Variants in YAF2 observed in about 807,000 individuals in gnomAD.
YAF2 encodes the protein YY1 associated factor 2.
Under a neutral mutation model 20.1 loss-of-function variants are expected in YAF2, and 7 were observed. The ratio of observed to expected loss-of-function variants is 0.35; its 90% CI spans 0.20 to 0.65. The LOEUF (loss-of-function observed/expected upper bound fraction) is 0.65, where lower values mean the gene tolerates loss of function less well. YAF2 is among the 30% of genes least tolerant of loss of function. YAF2 has a pLI of 0.69. For missense variants in YAF2, 151 were observed against 219.2 expected (o/e 0.69, Z 1.96); for synonymous variants, 74 against 76.0 (o/e 0.97, Z 0.14).
chr12:42,164,765 T>A (rs1469121493), intron 2 of YAF2, among the ~76,000 whole-genome samples: 2 of 151,798 alleles, frequency 1.3e-5, no homozygotes, highest in African/African-American at 4.8e-5. Context: ...TAGGAAAGAT[T>A]TTATAAAAAA....
At chr12:42,195,106 A>C (rs893359902) in intron 2 of YAF2, among the ~76,000 whole-genome samples, 8 of 152,222 alleles carry the variant, frequency 5.3e-5, no homozygotes, top group Admixed American at 3.3e-4. Context: ...AAGCAATTAA[A>C]GTACATCCAC....
rs75908309 is a variant in YAF2, at chr12:42,182,244, G to T, written c.153-20479C>A. 4.1e-3 allele frequency among the ~76,000 whole-genome samples: 625 copies of T among 152,190 alleles called. 30 individuals are homozygous for T. The East Asian group carries it at 0.078, about 19-fold the overall frequency. On this transcript the variant is annotated intron_variant, in intron 2 of 3. Transcript: ENST00000534854. ...GATATGTTTGACGAGGAAGCAGAAGGCATGAAATTCTGTTAACATATGATG... is the reference window on the plus strand; with the variant it reads ...GATATGTTTGACGAGGAAGCAGAAGTCATGAAATTCTGTTAACATATGATG...
intron 2 of YAF2, among the ~76,000 whole-genome samples, chr12:42,221,029 T>C (rs1219285522): frequency 1.3e-5 from 2 of 152,326 alleles, no homozygotes; most frequent in Admixed American, 6.5e-5. Context: ...TGTTAACATT[T>C]GTACTTCAAA....
In YAF2 at chr12:42,161,634, T is replaced by A; in HGVS notation, c.284A>T (p.Lys95Met). 1 of 1,596,046 alleles carries A rather than the reference T, an allele frequency of 6.3e-7. No homozygotes were observed. The highest frequency in any genetic ancestry group is 8.5e-7 in the Non-Finnish European group (1 of 1,173,438). Reference sequence around the variant, plus strand: ...TTACCTGGTTTTCTTATGGCTATTCTTTTTGCTAGTTGTTTCCTTTTCACT... The same window carrying A: ...TTACCTGGTTTTCTTATGGCTATTCATTTTGCTAGTTGTTTCCTTTTCACT... ...EKSEKETTSKKNSHKKTRPRL... is the reference protein window; with the variant it reads ...EKSEKETTSKMNSHKKTRPRL... Residue 95 changes from lysine to methionine, a missense_variant, in exon 3 of 4, where the codon AAG (lysine) becomes ATG (methionine). Around this residue, in one of 3 missense-constraint regions of YAF2, gnomAD observed 50 missense variants for 112.0 expected, o/e 0.45. Transcript: ENST00000534854.
chr12:42,171,097 ATCC>A (rs1173978409), intron 2 of YAF2, among the ~76,000 whole-genome samples: 2 of 151,954 alleles, frequency 1.3e-5, no homozygotes, highest in African/African-American at 4.8e-5. Context: ...GGTTCAAGCA[ATCC>A]TCCTGCCTCA....
intron 2 of YAF2, among the ~76,000 whole-genome samples, chr12:42,194,243 C>T (rs975486573): frequency 3.9e-5 from 6 of 152,164 alleles, no homozygotes; most frequent in Non-Finnish European, 8.8e-5. Context: ...TCTACAGTGG[C>T]ATACAGTAAT....
chr12:42,202,979 G>A (rs994034812), intron 2 of YAF2, among the ~76,000 whole-genome samples: 14 of 151,696 alleles, frequency 9.2e-5, no homozygotes, highest in Non-Finnish European at 1.9e-4. Context: ...ATCCAACAGA[G>A]CAAGTTCCTC....
intron 2 of YAF2, among the ~76,000 whole-genome samples, chr12:42,227,127 G>A (rs1482368908): frequency 1.4e-5 from 2 of 145,704 alleles, no homozygotes; most frequent in Non-Finnish European, 3.0e-5. Context: ...AGTCTTTGCC[G>A]CCGCGCCGGC....
chr12:42,227,464 A>C (rs2067758304), intron 2 of YAF2, among the ~76,000 whole-genome samples: 1 of 125,970 alleles, frequency 7.9e-6, no homozygotes, highest in Non-Finnish European at 1.7e-5. Flanking sequence ...CCATCGTCTG[A>C]GATGTGGGGA....
chr12:42,202,400 T>C (rs1175814331), intron 2 of YAF2, among the ~76,000 whole-genome samples: 2 of 152,164 alleles, frequency 1.3e-5, no homozygotes, highest in African/African-American at 2.4e-5. Context: ...TCCAGGAGGC[T>C]CCCTCACGAT....
intron 2 of YAF2, among the ~76,000 whole-genome samples, chr12:42,216,990 A>C (rs2067375252): frequency 6.6e-6 from 1 of 152,144 alleles, no homozygotes; most frequent in African/African-American, 2.4e-5. Context: ...ACACATCTAT[A>C]ATACATTCAT....
chr12:42,217,221 T>C (rs777067965), intron 2 of YAF2, among the ~76,000 whole-genome samples: 10 of 152,248 alleles, frequency 6.6e-5, no homozygotes, highest in African/African-American at 2.4e-5. Flanking sequence ...GTAGCTTAGA[T>C]TGATGTAAGT....
chr12:42,170,979 G>A (rs1397400058), intron 2 of YAF2, among the ~76,000 whole-genome samples: 3 of 152,068 alleles, frequency 2.0e-5, no homozygotes, highest in African/African-American at 7.3e-5. Flanking sequence ...TAAGTGGTCA[G>A]GAATTGTTTA....
At chr12:42,211,821 G>GGC (rs1044163795) in intron 2 of YAF2, among the ~76,000 whole-genome samples, 1 of 151,714 alleles carries the variant, frequency 6.6e-6, no homozygotes, top group Non-Finnish European at 1.5e-5. Flanking sequence ...GGCCGAGGTG[G>GGC]GCGGATTAGC....
chr12:42,227,519 T>C (rs1447406963), intron 2 of YAF2, among the ~76,000 whole-genome samples: 1 of 143,054 alleles, frequency 7.0e-6, no homozygotes, highest in Non-Finnish European at 1.5e-5. Flanking sequence ...GGAGCGCCTC[T>C]GCCCTGCCGA....
rs1168682612 is a variant in YAF2, at chr12:42,158,925, G to A, written c.*1664C>T. ...TTGAAACATGTTAAAAACAGAATAA[G>A]ACAAAAAAATTCATGTTTTAAAGGA... On this transcript the variant is annotated 3_prime_UTR_variant, in exon 4 of 4. Transcript: ENST00000534854. The A allele has an allele frequency of 6.6e-6, 1 of 151,998 alleles. No individual in the cohort carries two copies. The highest frequency in any genetic ancestry group is 2.4e-5 in the African/African-American group (1 of 41,396). 9.4% of individuals were successfully genotyped at this position (151,998 alleles called of 1,614,324 possible). A position where few individuals can be genotyped will look rare whatever the true frequency, so the allele number is the denominator to read the frequency against.
chr12:42,175,571 A>T (rs1419780216), intron 2 of YAF2, among the ~76,000 whole-genome samples: 7 of 151,030 alleles, frequency 4.6e-5, no homozygotes, highest in Non-Finnish European at 8.9e-5. Flanking sequence ...TTTTAACCTA[A>T]CTACTAATCA....
chr12:42,185,348 T>A (rs2066445757), intron 2 of YAF2, among the ~76,000 whole-genome samples: 1 of 152,244 alleles, frequency 6.6e-6, no homozygotes, highest in South Asian at 2.1e-4. Flanking sequence ...CTGGTGAAGA[T>A]GCTGTGAACA....
In YAF2 at chr12:42,232,531, A is replaced by G. The variant is rs1053373357; in HGVS notation, c.152+5068T>C. 9.1e-6 allele frequency: 9 copies of G among 985,324 alleles called. No individual in the cohort carries two copies. In the African/African-American group the frequency reaches 1.4e-4, roughly 15 times the overall value. 61.0% of individuals were successfully genotyped at this position (985,324 alleles called of 1,614,324 possible). On this transcript the variant is annotated intron_variant, in intron 2 of 3. Coordinates refer to ENST00000534854, the MANE Select transcript of YAF2 (RefSeq NM_005748.6). Reference sequence around the variant, plus strand: ...ACAAACAAGTAAGAAATCTCCTAGAATAAGGAGTCTCTGAACAACTAAATG... The same window carrying G: ...ACAAACAAGTAAGAAATCTCCTAGAGTAAGGAGTCTCTGAACAACTAAATG...
Sources: gnomAD v4.1 joint callset for allele counts (sites outside exome capture counted in the v4.1 genomes callset) on GRCh38, gnomAD v4.1.1 for gene constraint, gnomAD v4.1.1 regional missense constraint, MANE v1.5 for transcripts, NCBI Gene and HGNC (gene_info 2026-07-23, HGNC 2026-07-21) for gene names.